The following MGAT4C variants were observed in gnomAD, a reference collection of about 807,000 sequenced individuals.
MGAT4C encodes the protein alpha-1,3-mannosyl-glycoprotein 4-beta-N-acetylglucosaminyltransferase C.
Under a neutral mutation model 40.1 loss-of-function variants are expected in MGAT4C, and 19 were observed. The observed-to-expected ratio is 0.47, with a 90% CI of 0.33 to 0.70. The LOEUF (loss-of-function observed/expected upper bound fraction) is 0.70. MGAT4C is among the 30% of genes least tolerant of loss of function. The pLI is 0.02. For missense variants in MGAT4C, 491 were observed against 563.2 expected, an observed-to-expected ratio of 0.87 and a Z score of 1.30; for synonymous variants, 181 against 187.1, an observed-to-expected ratio of 0.97 and a Z score of 0.27.
intron 1 of MGAT4C, chr12:86,067,949 G>T (rs1894715750): frequency 1.3e-5 from 2 of 152,122 alleles, no homozygotes; most frequent in South Asian, 4.1e-4. Flanking sequence ...GTAGATCCTG[G>T]ATCCGTGAGC....
intron 1 of MGAT4C, among the ~76,000 whole-genome samples, chr12:86,774,937 T>A (rs1400088347): frequency 2.0e-5 from 3 of 152,168 alleles, no homozygotes; most frequent in Non-Finnish European, 2.9e-5. Context: ...GAGAAAAGAA[T>A]CAATGTAATA....
chr12:85,987,548 G>C (rs1350933779), intron 3 of MGAT4C, among the ~76,000 whole-genome samples: 1 of 152,192 alleles, frequency 6.6e-6, no homozygotes, highest in Non-Finnish European at 1.5e-5. Context: ...TGAGAAAGTA[G>C]CTTTAGTAGA....
intron 4 of MGAT4C, among the ~76,000 whole-genome samples, chr12:86,291,530 T>A (rs546200777): frequency 6.6e-6 from 1 of 152,292 alleles, no homozygotes; most frequent in South Asian, 2.1e-4. Flanking sequence ...CTTAGCTGGA[T>A]TCCATAAATG....
intron 2 of MGAT4C, among the ~76,000 whole-genome samples, chr12:86,600,442 T>C (rs1961726434): frequency 6.6e-6 from 1 of 152,180 alleles, no homozygotes; most frequent in Non-Finnish European, 1.5e-5. Context: ...ATTTATAGTA[T>C]AAAAGGTCAT....
chr12:86,467,791 AG>A (rs2136300956), intron 2 of MGAT4C, among the ~76,000 whole-genome samples: 1 of 152,242 alleles, frequency 6.6e-6, no homozygotes, highest in African/African-American at 2.4e-5. Flanking sequence ...TAATGTTTCC[AG>A]GATTCTTGAG....
At chr12:86,697,303 A>G (rs953243548) in intron 2 of MGAT4C, among the ~76,000 whole-genome samples, 11 of 152,118 alleles carry the variant, frequency 7.2e-5, no homozygotes, top group Admixed American at 2.6e-4. Context: ...CCATTTTACC[A>G]TTCATATATG....
intron 2 of MGAT4C, among the ~76,000 whole-genome samples, chr12:86,617,007 T>A (rs1407167751): frequency 1.3e-5 from 2 of 152,050 alleles, no homozygotes; most frequent in Non-Finnish European, 2.9e-5. Context: ...CAAAAAAAAA[T>A]AATTTTAGCA....
chr12:86,629,258 C>G (rs1204040433), intron 2 of MGAT4C, among the ~76,000 whole-genome samples: 2 of 152,080 alleles, frequency 1.3e-5, no homozygotes, highest in East Asian at 3.9e-4. Flanking sequence ...ATAAAGCAGT[C>G]CTTAGAGACC....
At chr12:86,013,043 G>C (rs900506794) in intron 2 of MGAT4C, among the ~76,000 whole-genome samples, 6 of 152,032 alleles carry the variant, frequency 3.9e-5, no homozygotes, top group Non-Finnish European at 8.8e-5. Context: ...ACTGAGGTGG[G>C]AGGATTGCTT....
At chr12:86,301,782 T>C (rs1382299308) in intron 4 of MGAT4C, among the ~76,000 whole-genome samples, 1 of 152,244 alleles carries the variant, frequency 6.6e-6, no homozygotes, top group East Asian at 1.9e-4. Context: ...ATTTTTCTCA[T>C]TTTAATACTT....
chr12:86,008,934 A>G (rs908502316), intron 2 of MGAT4C, among the ~76,000 whole-genome samples: 1 of 152,038 alleles, frequency 6.6e-6, no homozygotes, highest in African/African-American at 2.4e-5. Flanking sequence ...AACCAAATAG[A>G]AGTATACATT....
intron 3 of MGAT4C, among the ~76,000 whole-genome samples, chr12:86,399,602 C>T (rs763355160): frequency 1.3e-5 from 2 of 152,046 alleles, no homozygotes; most frequent in Admixed American, 6.6e-5. Context: ...CATTTCTACA[C>T]GGTTGTCCTT....
rs538730870 is a variant in MGAT4C, at chr12:86,728,473, C to T, written c.-261-1232G>A. Among the ~76,000 whole-genome samples the T allele has an allele frequency of 3.3e-5, 5 of 152,232 alleles. No individual in the cohort carries two copies. In the South Asian group the frequency reaches 1.0e-3, roughly 32 times the overall value. On this transcript the variant is annotated intron_variant, in intron 1 of 7. Coordinates refer to the MGAT4C transcript ENST00000548651. ...TAGGAGTCTGAGGCTGGTGAATTAC[C>T]GGAGGTCAGCGGTTTGAGACCAGCC...
At chr12:86,600,073 T>G (rs1401821781) in intron 2 of MGAT4C, among the ~76,000 whole-genome samples, 3 of 152,128 alleles carry the variant, frequency 2.0e-5, no homozygotes, top group Non-Finnish European at 4.4e-5. Context: ...GAAACACTTT[T>G]GGGGTACTTT....
At chr12:86,181,071 T>G (rs1367947407) in intron 1 of MGAT4C, among the ~76,000 whole-genome samples, 1 of 152,168 alleles carries the variant, frequency 6.6e-6, no homozygotes, top group Non-Finnish European at 1.5e-5. Flanking sequence ...TCCCATGCTA[T>G]TCTCATGACA....
chr12:86,737,409 T>C (rs1395136441), intron 1 of MGAT4C, among the ~76,000 whole-genome samples: 1 of 150,726 alleles, frequency 6.6e-6, no homozygotes, highest in African/African-American at 2.4e-5. Context: ...TTCCTTCTAT[T>C]TTGCTGACTA....
intron 2 of MGAT4C, among the ~76,000 whole-genome samples, chr12:86,486,495 G>A (rs1281943991): frequency 6.6e-6 from 1 of 151,602 alleles, no homozygotes; most frequent in Admixed American, 6.6e-5. Context: ...GGAAAAAAAA[G>A]GGATAAAGGT....
At chr12:86,556,486 G>C (rs147480451) in intron 2 of MGAT4C, among the ~76,000 whole-genome samples, 1 of 151,888 alleles carries the variant, frequency 6.6e-6, no homozygotes, top group East Asian at 1.9e-4. Flanking sequence ...CCTAAAGACT[G>C]GAAAGATAGT....
chr12:86,723,788 A>G (rs923106057), intron 2 of MGAT4C, among the ~76,000 whole-genome samples: 1 of 152,198 alleles, frequency 6.6e-6, no homozygotes, highest in African/African-American at 2.4e-5. Context: ...AAGTATTTCA[A>G]TTAAAATGTT....
Sources: allele counts gnomAD v4.1 joint callset (sites outside exome capture counted in the v4.1 genomes callset), GRCh38; gene constraint gnomAD v4.1.1; transcripts MANE v1.5; gene names NCBI Gene and HGNC (gene_info 2026-07-23, HGNC 2026-07-21).